The following HS6ST3 variants were observed in gnomAD, a reference collection of about 807,000 sequenced individuals.
HS6ST3 encodes the protein heparan sulfate 6-O-sulfotransferase 3.
A neutral mutation model predicts 36.7 loss-of-function variants in HS6ST3; 12 were observed. The ratio of observed to expected loss-of-function variants is 0.33; its 90% confidence interval spans 0.21 to 0.53. The LOEUF (loss-of-function observed/expected upper bound fraction) is 0.53. HS6ST3 is among the 20% of genes least tolerant of loss of function. The pLI is 0.95. For synonymous variants in HS6ST3, 240 were observed against 257.5 expected (o/e 0.93, Z 0.65); for missense variants, 584 against 640.9 (o/e 0.91, Z 0.96).
chr13:96,519,837 A>T (rs1179586966), intron 1 of HS6ST3, among the ~76,000 whole-genome samples: 2 of 152,204 alleles, frequency 1.3e-5, no homozygotes, highest in Non-Finnish European at 2.9e-5. Flanking sequence ...GGTTACCTCC[A>T]TAATGCTAAA....
intron 1 of HS6ST3, among the ~76,000 whole-genome samples, chr13:96,627,692 A>G (rs2138998897): frequency 6.6e-6 from 1 of 152,050 alleles, no homozygotes; most frequent in East Asian, 1.9e-4. Flanking sequence ...ATTTTAAACT[A>G]TGGATTTACT....
At chr13:96,417,036 C>T (rs1249156354) in intron 1 of HS6ST3, among the ~76,000 whole-genome samples, 24 of 152,154 alleles carry the variant, frequency 1.6e-4, no homozygotes, top group Admixed American at 1.6e-3. Context: ...AGGCGTGAGC[C>T]ACCGCGCCCG....
At chr13:96,766,550 T>C (rs558793971) in intron 1 of HS6ST3, among the ~76,000 whole-genome samples, 21 of 152,324 alleles carry the variant, frequency 1.4e-4, no homozygotes, top group Non-Finnish European at 2.5e-4. Context: ...TGCAGCTAAT[T>C]GTTTGTGGGA....
At chr13:96,621,708 T>C (rs749713421) in intron 1 of HS6ST3, among the ~76,000 whole-genome samples, 16 of 152,208 alleles carry the variant, frequency 1.1e-4, no homozygotes, top group Non-Finnish European at 1.9e-4. Flanking sequence ...TGACTTTCTT[T>C]AGGCAAATGC....
At chr13:96,742,635 C>T (rs1234683991) in intron 1 of HS6ST3, among the ~76,000 whole-genome samples, 2 of 151,998 alleles carry the variant, frequency 1.3e-5, no homozygotes, top group Admixed American at 6.6e-5. Flanking sequence ...ATTTCAGGTA[C>T]GTGATATTTC....
intron 1 of HS6ST3, among the ~76,000 whole-genome samples, chr13:96,814,544 G>GT (rs1454938568): frequency 5.3e-5 from 8 of 151,906 alleles, no homozygotes; most frequent in Non-Finnish European, 1.0e-4. Context: ...TCAATGCACA[G>GT]TTTTTTAGAC....
chr13:96,497,465 C>T (rs947668490), intron 1 of HS6ST3, among the ~76,000 whole-genome samples: 5 of 152,062 alleles, frequency 3.3e-5, no homozygotes. Context: ...TATGTATATG[C>T]CAAATCAATC....
chr13:96,741,159 C>T (rs1030953431), intron 1 of HS6ST3, among the ~76,000 whole-genome samples: 1 of 152,164 alleles, frequency 6.6e-6, no homozygotes, highest in African/African-American at 2.4e-5. Flanking sequence ...TGCCATTTGA[C>T]ATTATGTGGC....
At chr13:96,664,207 A>G (rs1006977781) in intron 1 of HS6ST3, among the ~76,000 whole-genome samples, 2 of 152,194 alleles carry the variant, frequency 1.3e-5, no homozygotes, top group Non-Finnish European at 2.9e-5. Context: ...TATATGCAAC[A>G]TAGTGTATGT....
intron 1 of HS6ST3, among the ~76,000 whole-genome samples, chr13:96,478,171 A>G (rs1594789045): frequency 6.6e-6 from 1 of 152,320 alleles, no homozygotes; most frequent in South Asian, 2.1e-4. Flanking sequence ...TATGTGTTGA[A>G]TTAATGACTG....
At chr13:96,714,074 T>G (rs1875635377) in intron 1 of HS6ST3, among the ~76,000 whole-genome samples, 1 of 152,150 alleles carries the variant, frequency 6.6e-6, no homozygotes, top group Non-Finnish European at 1.5e-5. Context: ...ATGAAAAAGT[T>G]TAACATTTTT....
chr13:96,215,682 T>TA (rs776579138), intron 1 of HS6ST3, among the ~76,000 whole-genome samples: 24 of 152,092 alleles, frequency 1.6e-4, no homozygotes, highest in East Asian at 1.9e-4. Flanking sequence ...TATTTTTTTT[T>TA]ATCAAAGTAA....
chr13:96,310,256 T>C (rs1457220317), intron 1 of HS6ST3, among the ~76,000 whole-genome samples: 1 of 152,196 alleles, frequency 6.6e-6, no homozygotes, highest in East Asian at 1.9e-4. Context: ...GATATATGTA[T>C]ATAGAATCAA....
chr13:96,792,381 A>G (rs1266482596), intron 1 of HS6ST3, among the ~76,000 whole-genome samples: 3 of 151,798 alleles, frequency 2.0e-5, no homozygotes. Flanking sequence ...TTGAGTTGAC[A>G]TTGTGACGCC....
chr13:96,553,621 C>T (rs895801903), intron 1 of HS6ST3, among the ~76,000 whole-genome samples: 1 of 152,180 alleles, frequency 6.6e-6, no homozygotes, highest in African/African-American at 2.4e-5. Flanking sequence ...GACAAGGAGA[C>T]AAGGTTGGAA....
intron 1 of HS6ST3, among the ~76,000 whole-genome samples, chr13:96,344,825 GTAT>G (rs922950942): frequency 1.3e-5 from 2 of 152,174 alleles, no homozygotes; most frequent in Non-Finnish European, 2.9e-5. Flanking sequence ...GCTGATTGAG[GTAT>G]TATACGAATG....
chr13:96,168,498 G>C (rs2054171520), intron 1 of HS6ST3, among the ~76,000 whole-genome samples: 1 of 151,974 alleles, frequency 6.6e-6, no homozygotes. Flanking sequence ...TTCAGCCTAG[G>C]AGTTCAAAAG....
intron 1 of HS6ST3, among the ~76,000 whole-genome samples, chr13:96,283,622 A>G (rs2054786073): frequency 6.6e-6 from 1 of 152,224 alleles, no homozygotes; most frequent in Admixed American, 6.5e-5. Flanking sequence ...ATGACCAAAT[A>G]ATATACCATT....
intron 1 of HS6ST3, among the ~76,000 whole-genome samples, chr13:96,241,911 G>C (rs2054562347): frequency 6.7e-6 from 1 of 149,486 alleles, no homozygotes; most frequent in African/African-American, 2.5e-5. Context: ...TCAGCCTCCC[G>C]AGTAGCTGGG....
Sources: allele counts gnomAD v4.1 joint callset (sites outside exome capture counted in the v4.1 genomes callset), GRCh38; gene constraint gnomAD v4.1.1; transcripts MANE v1.5; gene names NCBI Gene and HGNC (gene_info 2026-07-23, HGNC 2026-07-21).